The following GBE1 variants were observed in gnomAD, a reference collection of about 807,000 sequenced individuals.
GBE1 encodes 1,4-alpha-glucan branching enzyme 1, also known as 1,4-alpha-glucan-branching enzyme.
In GBE1, 70 loss-of-function variants were observed where a neutral mutation model predicts 88.8. The ratio of observed to expected loss-of-function variants is 0.79; its 90% CI spans 0.65 to 0.96. The LOEUF is 0.96. Among genes scored for constraint, GBE1 ranks in the 40% least tolerant of loss-of-function variants. The pLI is 0.00. For missense variants in GBE1, 872 were observed against 871.0 expected, an observed-to-expected ratio of 1.00 and a Z score of -0.01; for synonymous variants, 284 against 300.1, an observed-to-expected ratio of 0.95 and a Z score of 0.56.
In GBE1 at chr3:81,633,477, AT is replaced by A. The variant is rs548268248; in HGVS notation, c.992+9303del. 6.9e-3 allele frequency among the ~76,000 whole-genome samples: 1,054 copies of A among 152,294 alleles called. 11 individuals carry two copies. The highest frequency in any genetic ancestry group is 0.024 in the African/African-American group (995 of 41,570). ...CTGCAAGGTCAGTATCTATATTTAT[AT>A]TTTAAAAACAAATTAACAGCAACTT... On this transcript the variant is annotated intron_variant, in intron 7 of 15. Transcript: ENST00000429644.
intron 3 of GBE1, among the ~76,000 whole-genome samples, chr3:81,668,243 A>G (rs2107110263): frequency 6.6e-6 from 1 of 152,240 alleles, no homozygotes; most frequent in South Asian, 2.1e-4. Flanking sequence ...GGGAACTCAG[A>G]GAACGGGTCA....
At chr3:81,635,292 A>T (rs1704576603) in intron 7 of GBE1, among the ~76,000 whole-genome samples, 1 of 152,160 alleles carries the variant, frequency 6.6e-6, no homozygotes, top group Non-Finnish European at 1.5e-5. Flanking sequence ...GTTACAACTC[A>T]ATAGTGATGC....
intron 2 of GBE1, among the ~76,000 whole-genome samples, chr3:81,678,725 C>A (rs1215894702): frequency 2.0e-5 from 3 of 151,744 alleles, no homozygotes; most frequent in Non-Finnish European, 4.4e-5. Flanking sequence ...TATATTTTGA[C>A]TACAAAACCA....
At chr3:81,750,456 T>C in intron 1 of GBE1, among the ~76,000 whole-genome samples, 2 of 146,844 alleles carry the variant, frequency 1.4e-5, no homozygotes, top group Non-Finnish European at 3.0e-5. Flanking sequence ...CTGACCATTT[T>C]TTCATGAGCC....
At chr3:81,702,326 T>C (rs1272698080) in intron 2 of GBE1, among the ~76,000 whole-genome samples, 1 of 151,958 alleles carries the variant, frequency 6.6e-6, no homozygotes, top group Non-Finnish European at 1.5e-5. Context: ...CCACTCTCAA[T>C]TTTCAAATTG....
At chr3:81,610,037 T>G (rs997632594) in intron 7 of GBE1, among the ~76,000 whole-genome samples, 4 of 152,034 alleles carry the variant, frequency 2.6e-5, no homozygotes, top group African/African-American at 9.7e-5. Context: ...CACAGAAACA[T>G]GTGAAAGTGT....
chr3:81,647,959 A>G (rs1057148136), intron 5 of GBE1, among the ~76,000 whole-genome samples: 6 of 152,120 alleles, frequency 3.9e-5, no homozygotes, highest in Non-Finnish European at 8.8e-5. Flanking sequence ...GTCATAAGCA[A>G]TTTATTACTC....
chr3:81,610,219 T>G (rs1302597101), intron 7 of GBE1, among the ~76,000 whole-genome samples: 1 of 152,202 alleles, frequency 6.6e-6, no homozygotes, highest in Non-Finnish European at 1.5e-5. Context: ...TCAGCAACTC[T>G]CCCTATCATC....
At chr3:81,654,696 A>G (rs1022023359) in intron 3 of GBE1, 1 of 152,238 alleles carries the variant, frequency 6.6e-6, no homozygotes, top group Non-Finnish European at 1.5e-5. Flanking sequence ...ATTGATCAAG[A>G]TAACTATTTG....
chr3:81,757,840 C>T (rs922153105), intron 1 of GBE1, among the ~76,000 whole-genome samples: 5 of 152,068 alleles, frequency 3.3e-5, no homozygotes, highest in African/African-American at 1.2e-4. Flanking sequence ...TGGGCAGCCT[C>T]AGTAGATAGA....
intron 14 of GBE1, among the ~76,000 whole-genome samples, chr3:81,517,101 C>A (rs2106839788): frequency 6.6e-6 from 1 of 151,312 alleles, no homozygotes; most frequent in East Asian, 1.9e-4. Context: ...TAAAATGTTA[C>A]CAAACAGCAT....
At chr3:81,492,411 C>A (rs1702448719) in intron 15 of GBE1, among the ~76,000 whole-genome samples, 1 of 152,122 alleles carries the variant, frequency 6.6e-6, no homozygotes, top group South Asian at 2.1e-4. Context: ...CAGACCCAGT[C>A]CAAAGGAGGG....
intron 14 of GBE1, among the ~76,000 whole-genome samples, chr3:81,512,809 C>T (rs1415219206): frequency 6.6e-6 from 1 of 151,688 alleles, no homozygotes; most frequent in Non-Finnish European, 1.5e-5. Flanking sequence ...AAAGTATTCG[C>T]ATATTGTAAA....
At chr3:81,548,934 C>A (rs912889890) in intron 12 of GBE1, among the ~76,000 whole-genome samples, 2 of 150,626 alleles carry the variant, frequency 1.3e-5, no homozygotes, top group African/African-American at 4.9e-5. Context: ...CAGCTTTTGA[C>A]AATTAAGTAA....
chr3:81,599,216 C>A (rs1703998989), intron 7 of GBE1, among the ~76,000 whole-genome samples: 2 of 152,028 alleles, frequency 1.3e-5, no homozygotes, highest in South Asian at 4.1e-4. Flanking sequence ...CTAATTTAAC[C>A]TGCATTCTTA....
chr3:81,664,428 C>A, intron 3 of GBE1, among the ~76,000 whole-genome samples: 2 of 134,276 alleles, frequency 1.5e-5, no homozygotes, highest in Non-Finnish European at 3.1e-5. Flanking sequence ...AAATAGAAAA[C>A]TTGAATGTGT....
At chr3:81,596,709 A>G (rs1436641739) in intron 7 of GBE1, among the ~76,000 whole-genome samples, 1 of 151,894 alleles carries the variant, frequency 6.6e-6, no homozygotes, top group African/African-American at 2.4e-5. Context: ...AGACCTCAAA[A>G]TCAAGTGGAA....
chr3:81,749,488 G>GAAT (rs1169659511), intron 1 of GBE1, among the ~76,000 whole-genome samples: 2 of 152,170 alleles, frequency 1.3e-5, no homozygotes, highest in African/African-American at 4.8e-5. Context: ...GAGTATAAAG[G>GAAT]AATAGCAGGA....
At chr3:81,500,953 T>C (rs932644710) in intron 14 of GBE1, among the ~76,000 whole-genome samples, 2 of 152,110 alleles carry the variant, frequency 1.3e-5, no homozygotes, top group Admixed American at 1.3e-4. Context: ...AGGGCCTACT[T>C]GAGGGTAGAA....
Sources: allele counts gnomAD v4.1 joint callset (sites outside exome capture counted in the v4.1 genomes callset), GRCh38; gene constraint gnomAD v4.1.1; transcripts MANE v1.5; gene names NCBI Gene and HGNC (gene_info 2026-07-23, HGNC 2026-07-21).